GAD1: variants seen among roughly 807,000 people sequenced by gnomAD.
GAD1 encodes the protein 67 kDa glutamic acid decarboxylase.
In GAD1, 35 loss-of-function variants were observed where a neutral mutation model predicts 75.2. The ratio of observed to expected loss-of-function variants is 0.47; its 90% confidence interval spans 0.36 to 0.62. The LOEUF (loss-of-function observed/expected upper bound fraction) is 0.62, where lower values mean the gene tolerates loss of function less well. GAD1 is among the 20% of genes least tolerant of loss of function. The pLI is 0.00. For synonymous variants in GAD1, 257 were observed against 271.9 expected (o/e 0.95, Z 0.54); for missense variants, 490 against 758.5 (o/e 0.65, Z 4.16).
intron 2 of GAD1, 65 bp from the exon 3 acceptor site, chr2:170,822,022 C>A: frequency 7.5e-7 from 1 of 1,325,910 alleles, no homozygotes; most frequent in Non-Finnish European, 1.1e-6. Flanking sequence ...AACCATTGTC[C>A]TCCACCCATT....
chr2:170,815,304 T>C (rs1298157837), upstream of GAD1, among the ~76,000 whole-genome samples: 1 of 152,158 alleles, frequency 6.6e-6, no homozygotes, highest in Non-Finnish European at 1.5e-5. Flanking sequence ...GTTTAGGATG[T>C]TTTTTGTGTC....
intron 15 of GAD1, 108 bp from the exon 16 acceptor site, chr2:170,858,696 C>T (rs1461044941): frequency 2.2e-6 from 2 of 924,856 alleles, no homozygotes; most frequent in African/African-American, 1.6e-5. Flanking sequence ...AACATTCAAC[C>T]TCTTTCTTTG....
At chr2:170,813,988 G>C (rs1465073648), upstream of GAD1, among the ~76,000 whole-genome samples, 1 of 152,126 alleles carries the variant, frequency 6.6e-6, no homozygotes, top group Admixed American at 6.5e-5. Context: ...GAAACAGCTG[G>C]GCGGACACCA....
intron 3 of GAD1, among the ~76,000 whole-genome samples, chr2:170,824,660 C>T (rs139063833): frequency 0.021 from 3,244 of 152,290 alleles, 136 homozygotes; most frequent in Admixed American, 0.1. Flanking sequence ...CAAGGAAGGC[C>T]CTGGGCCCCA....
At chr2:170,824,922 C>G (rs960963756) in intron 3 of GAD1, among the ~76,000 whole-genome samples, 2 of 123,778 alleles carry the variant, frequency 1.6e-5, no homozygotes, top group Admixed American at 1.6e-4. Context: ...TTTATTTAGC[C>G]TACACTCGTG....
rs2105745286 is a variant in GAD1 at position 170,816,909 on chromosome 2, C to T, written c.-203C>T. ...TCTCTCTTCTCCTGGCGCTCGCGTG[C>T]GAGAGGGAACTAGCGAGAACGAGGA... is the stretch of plus-strand genomic sequence containing the variant. On this transcript the variant is annotated 5_prime_UTR_variant, in exon 1 of 17. Transcript: ENST00000358196. 1.1e-5 allele frequency: 2 copies of T among 174,816 alleles called. No homozygotes were observed. Among genetic ancestry groups the T allele is most frequent in the East Asian group, 1.3e-4 (1 of 7,590 alleles). The allele number at this position is 174,816 out of a possible 1,614,324, so 10.8% of individuals were successfully genotyped here. A position where few individuals can be genotyped will look rare whatever the true frequency, so the allele number is the denominator to read the frequency against.
chr2:170,837,043 C>T (rs763676191), intron 6 of GAD1, among the ~76,000 whole-genome samples, 160 bp downstream of exon 6: 29 of 152,074 alleles, frequency 1.9e-4, no homozygotes, highest in Non-Finnish European at 3.7e-4. Flanking sequence ...ATGGTAAATA[C>T]TTGATAAACT....
At position 170,818,586 on chromosome 2, in the gene GAD1, G is replaced by A. The variant is rs1701776347; in HGVS notation, c.-6G>A. ...GGACAGTAGAGGCCCCGGGACGACC[G>A]AGCTGATGGCGTCTTCGACCCCATC... is the stretch of plus-strand genomic sequence containing the variant. On this transcript the variant is annotated 5_prime_UTR_variant, in exon 2 of 17. Coordinates refer to ENST00000358196, the MANE Select transcript of GAD1 (RefSeq NM_000817.3). This position sits in a 1 kb window ranked among gnomAD's most constrained non-coding sequence, Gnocchi z 5.9. 1 of 1,614,062 alleles carries A rather than the reference G, an allele frequency of 6.2e-7. No homozygotes were observed. The highest frequency in any genetic ancestry group is 8.5e-7 in the Non-Finnish European group (1 of 1,179,966).
At chr2:170,845,872 T>C in intron 9 of GAD1, 87 bp downstream of exon 9, 1 of 1,455,294 alleles carries the variant, frequency 6.9e-7, no homozygotes, top group Non-Finnish European at 9.7e-7. Context: ...AAGGACTGGC[T>C]CAGTACATTG....
chr2:170,826,567 CAAA>C (rs34462898), intron 3 of GAD1, among the ~76,000 whole-genome samples: 4 of 110,876 alleles, frequency 3.6e-5, no homozygotes, highest in African/African-American at 3.9e-5. Context: ...GACTCCGTCT[CAAA>C]AAAAAAAAAA....
At chr2:170,831,497 A>G (rs1436600115) in intron 5 of GAD1, among the ~76,000 whole-genome samples, 1 of 151,702 alleles carries the variant, frequency 6.6e-6, no homozygotes, top group Non-Finnish European at 1.5e-5. Context: ...GCTCATGCCT[A>G]TAATTCCAGC....
At chr2:170,823,331 G>A (rs1701941741) in intron 3 of GAD1, among the ~76,000 whole-genome samples, 1 of 152,210 alleles carries the variant, frequency 6.6e-6, no homozygotes, top group Non-Finnish European at 1.5e-5. Flanking sequence ...GGGCGAGGGC[G>A]GTGGCAGTTT....
chr2:170,829,506 G>T lies in GAD1; in HGVS notation c.177G>T (p.Glu59Asp), dbSNP rs138838552. 4.3e-6 allele frequency: 7 copies of T among 1,611,164 alleles called. No homozygotes were observed. Among genetic ancestry groups the T allele is most frequent in the Non-Finnish European group, 5.1e-6 (6 of 1,178,614 alleles). ...GFLQRTNSLEEKSRLVSAFKE... is the reference protein window; with the variant it reads ...GFLQRTNSLEDKSRLVSAFKE... ...TGCAAAGGACCAACAGCCTGGAAGAGAAGAGTCGCCTTGTGAGTGCCTTCA... is the reference window on the plus strand; with the variant it reads ...TGCAAAGGACCAACAGCCTGGAAGATAAGAGTCGCCTTGTGAGTGCCTTCA... Residue 59 changes from glutamate (E) to aspartate (D), a missense_variant, in exon 4 of 17, where the codon GAG becomes GAT. Around this residue, in one of 3 missense-constraint regions of GAD1, gnomAD observed 165 missense variants for 216.4 expected, o/e 0.76. Coordinates refer to ENST00000358196, the MANE Select transcript of GAD1 (RefSeq NM_000817.3).
At chr2:170,832,707 C>T (rs1291402985) in intron 5 of GAD1, among the ~76,000 whole-genome samples, 2 of 151,790 alleles carry the variant, frequency 1.3e-5, no homozygotes, top group Non-Finnish European at 2.9e-5. Flanking sequence ...TACACACATG[C>T]CTTCTCATTC....
chr2:170,848,817 G>A, intron 11 of GAD1: 1 of 519,284 alleles, frequency 1.9e-6, no homozygotes, highest in Non-Finnish European at 3.8e-6. Context: ...ATGTCTTGTT[G>A]TTACATAAGT....
chr2:170,842,019 T>C (rs1702528521), intron 6 of GAD1, among the ~76,000 whole-genome samples: 2 of 152,190 alleles, frequency 1.3e-5, no homozygotes, highest in African/African-American at 4.8e-5. Context: ...AGGAATCAGG[T>C]ACCTGGCATA....
intron 3 of GAD1, 87 bp from the exon 4 acceptor site, chr2:170,829,388 T>C (rs776060140): frequency 7.0e-7 from 1 of 1,437,994 alleles, no homozygotes; most frequent in Admixed American, 1.7e-5. Context: ...ACAAGAGCCC[T>C]GCTTGGAGAG....
chr2:170,816,564 A>C (rs1701702102), upstream of GAD1: 1 of 152,026 alleles, frequency 6.6e-6, no homozygotes, highest in South Asian at 2.1e-4. Flanking sequence ...GAAAGGCAGA[A>C]TTCTTCGTAG....
chr2:170,823,532 A>G (rs3791870), intron 3 of GAD1, among the ~76,000 whole-genome samples: 58,061 of 151,898 alleles, frequency 0.38, 11,875 homozygotes, highest in Admixed American at 0.49. Flanking sequence ...GCGGCCTGGG[A>G]GTTTGGCCTT....
Sources: gnomAD v4.1 joint callset for allele counts (sites outside exome capture counted in the v4.1 genomes callset) on GRCh38, gnomAD v4.1.1 for gene constraint, gnomAD v4.1.1 regional missense constraint, Gnocchi (gnomAD v3.1) non-coding constraint, MANE v1.5 for transcripts, NCBI Gene and HGNC (gene_info 2026-07-23, HGNC 2026-07-21) for gene names.